AKR1C3: variants seen among roughly 807,000 people sequenced by gnomAD.
AKR1C3 encodes aldo-keto reductase family 1 member C3, also known as 3-alpha hydroxysteroid dehydrogenase, type II.
In AKR1C3, 48 loss-of-function variants were observed where a neutral mutation model predicts 43.6. That is an observed-to-expected ratio of 1.10 (90% CI 0.87 to 1.40). The LOEUF (loss-of-function observed/expected upper bound fraction) is 1.40. AKR1C3 is among the 40% of genes most tolerant of loss of function. AKR1C3 has a pLI of 0.00. For missense variants in AKR1C3, 482 were observed against 391.2 expected (o/e 1.23, Z -1.96); for synonymous variants, 162 against 139.6 (o/e 1.16, Z -1.13).
chr10:5,063,091 G>T (rs541779528), intron 1 of AKR1C3, among the ~76,000 whole-genome samples: 1 of 152,224 alleles, frequency 6.6e-6, no homozygotes, highest in East Asian at 1.9e-4. Context: ...AATGTGAATA[G>T]GTGGCAAAAT....
intron 7 of AKR1C3, among the ~76,000 whole-genome samples, chr10:5,103,941 T>C (rs1839426183): frequency 6.6e-6 from 1 of 152,062 alleles, no homozygotes; most frequent in Admixed American, 6.5e-5. Context: ...GATAGATTGA[T>C]ATATATATTA....
At chr10:5,070,972 T>C (rs60005585) in intron 1 of AKR1C3, among the ~76,000 whole-genome samples, 1 of 152,232 alleles carries the variant, frequency 6.6e-6, no homozygotes, top group Non-Finnish European at 1.5e-5. Context: ...GGAGCCCTGA[T>C]AGGTGATCTT....
chr10:5,106,217 TGCTTTTGC>T (rs1367185902), intron 8 of AKR1C3, among the ~76,000 whole-genome samples: 1 of 152,184 alleles, frequency 6.6e-6, no homozygotes, highest in Non-Finnish European at 1.5e-5. Flanking sequence ...CCCCAAACTC[TGCTTTTGC>T]CTCCAGAAAG....
chr10:5,107,286 T>C (rs1839530766), intron 8 of AKR1C3, among the ~76,000 whole-genome samples, 175 bp from the exon 9 acceptor site: 2 of 152,228 alleles, frequency 1.3e-5, no homozygotes, highest in African/African-American at 4.8e-5. Flanking sequence ...TTGAATAATT[T>C]ATTATTTTGA....
intron 1 of AKR1C3, among the ~76,000 whole-genome samples, chr10:5,072,903 C>G (rs1426128057): frequency 6.6e-6 from 1 of 152,124 alleles, no homozygotes; most frequent in Admixed American, 6.6e-5. Context: ...TTTGTAATCT[C>G]TTTAGCATGT....
intron 3 of AKR1C3, chr10:5,098,148 G>A (rs1839257321): frequency 1.0e-6 from 1 of 985,948 alleles, no homozygotes. Flanking sequence ...ATGCAAAAGA[G>A]TTTACTGAGT....
intron 1 of AKR1C3, among the ~76,000 whole-genome samples, chr10:5,063,608 G>A (rs1269427996): frequency 1.3e-5 from 2 of 151,216 alleles, no homozygotes; most frequent in Admixed American, 6.6e-5. Flanking sequence ...CCAACATGGT[G>A]GAACCCCATC....
chr10:5,056,022 G>T (rs1014462457), intron 1 of AKR1C3, among the ~76,000 whole-genome samples: 1 of 152,160 alleles, frequency 6.6e-6, no homozygotes, highest in Non-Finnish European at 1.5e-5. Context: ...GCAAAGCTGG[G>T]CCTTCAACCT....
intron 1 of AKR1C3, among the ~76,000 whole-genome samples, chr10:5,053,686 C>A (rs371173165): frequency 6.6e-6 from 1 of 152,202 alleles, no homozygotes; most frequent in African/African-American, 2.4e-5. Flanking sequence ...AACAGGACAC[C>A]CTAACTGCTG....
chr10:5,096,501 A>T lies in AKR1C3; in HGVS notation c.176A>T (p.Glu59Val). The T allele has an allele frequency of 6.2e-7, 1 of 1,613,906 alleles. No homozygotes were observed. Among genetic ancestry groups the T allele is most frequent in the Non-Finnish European group, 8.5e-7 (1 of 1,179,800 alleles). The change falls in exon 2 of 9, where the codon GAG becomes GTG. Residue 59 changes from glutamate to valine, a missense_variant. Coordinates refer to ENST00000380554, the MANE Select transcript of AKR1C3 (RefSeq NM_003739.6). ...TCTGCTCATTTATACAATAATGAGG[A>T]GCAGGTTGGACTGGCCATCCGAAGC... is the stretch of plus-strand genomic sequence containing the variant. ...IDSAHLYNNEEQVGLAIRSKI... is the reference protein window; with the variant it reads ...IDSAHLYNNEVQVGLAIRSKI...
intron 1 of AKR1C3, among the ~76,000 whole-genome samples, chr10:5,058,084 T>G (rs1036183606): frequency 5.9e-5 from 9 of 151,334 alleles, no homozygotes; most frequent in Admixed American, 3.3e-4. Flanking sequence ...GCCCGGGGGG[T>G]TTTGTGGTCC....
chr10:5,056,546 T>G (rs1437695467), intron 1 of AKR1C3, among the ~76,000 whole-genome samples: 1 of 152,218 alleles, frequency 6.6e-6, no homozygotes, highest in Non-Finnish European at 1.5e-5. Flanking sequence ...AACAATATTC[T>G]GTAATCCTTT....
At chr10:5,076,744 C>T (rs1161737781) in intron 1 of AKR1C3, among the ~76,000 whole-genome samples, 2 of 152,136 alleles carry the variant, frequency 1.3e-5, no homozygotes, top group African/African-American at 2.4e-5. Flanking sequence ...TATCGTAAAA[C>T]TCACTTGATT....
chr10:5,069,815 G>A (rs1838582260), intron 1 of AKR1C3, among the ~76,000 whole-genome samples: 1 of 151,996 alleles, frequency 6.6e-6, no homozygotes, highest in Non-Finnish European at 1.5e-5. Flanking sequence ...CAGAGGTTGT[G>A]GTGAGCTGAG....
At chr10:5,099,677 G>A (rs931908443) in intron 5 of AKR1C3, 4 of 695,530 alleles carry the variant, frequency 5.8e-6, no homozygotes, top group Non-Finnish European at 9.0e-6. Flanking sequence ...GTAATATTTA[G>A]GGGAGGTCCA....
chr10:5,061,881 C>G (rs1386277291), intron 1 of AKR1C3, among the ~76,000 whole-genome samples: 3 of 152,096 alleles, frequency 2.0e-5, no homozygotes, highest in Non-Finnish European at 4.4e-5. Flanking sequence ...TGTCTTAAAG[C>G]CATTACATAT....
At chr10:5,105,535 T>C (rs1839478146) in intron 7 of AKR1C3, 60 bp from the exon 8 acceptor site, 1 of 1,280,726 alleles carries the variant, frequency 7.8e-7, no homozygotes, top group Admixed American at 1.9e-5. Flanking sequence ...TACTGTCTAA[T>C]ATACTTGGGG....
intron 1 of AKR1C3, among the ~76,000 whole-genome samples, chr10:5,050,907 T>C (rs1403825158): frequency 6.6e-6 from 1 of 152,228 alleles, no homozygotes; most frequent in Non-Finnish European, 1.5e-5. Flanking sequence ...TTGCTACCAG[T>C]AGCCATTCAC....
At position 5,094,524 on chromosome 10, in the gene AKR1C3, C is replaced by T; in HGVS notation, c.80C>T (p.Pro27Leu). 1 of 1,612,586 alleles carries T rather than the reference C, an allele frequency of 6.2e-7. No individual in the cohort carries two copies. The change falls in exon 1 of 9, where the codon CCA (proline) becomes CTA (leucine). Residue 27 changes from proline (P) to leucine (L), a missense_variant. Coordinates refer to ENST00000380554, the MANE Select transcript of AKR1C3 (RefSeq NM_003739.6). Reference protein sequence around the residue: ...PVLGFGTYAPPEVPRSKALEV... With the variant: ...PVLGFGTYAPLEVPRSKALEV... Reference sequence around the variant, plus strand: ...TTGGGATTTGGCACCTATGCACCTCCAGAGGTAAGAATAATTCCTTTTAGT... The same window carrying T: ...TTGGGATTTGGCACCTATGCACCTCTAGAGGTAAGAATAATTCCTTTTAGT...
Sources: gnomAD v4.1 joint callset for allele counts (sites outside exome capture counted in the v4.1 genomes callset) on GRCh38, gnomAD v4.1.1 for gene constraint, MANE v1.5 for transcripts, NCBI Gene and HGNC (gene_info 2026-07-23, HGNC 2026-07-21) for gene names.